PADI2: variants seen among roughly 807,000 people sequenced by gnomAD.
The protein encoded by PADI2 is peptidyl arginine deiminase 2.
Under a neutral mutation model 81.1 loss-of-function variants are expected in PADI2, and 70 were observed. The ratio of observed to expected loss-of-function variants is 0.86; its 90% CI spans 0.71 to 1.05. The LOEUF is 1.05. Ranked by LOEUF, PADI2 falls within the 50% of genes least tolerant of loss-of-function variation. The pLI is 0.00. For synonymous variants in PADI2, 338 were observed against 358.0 expected (o/e 0.94, Z 0.63); for missense variants, 853 against 889.9 (o/e 0.96, Z 0.53).
In PADI2 at chr1:17,075,807, T is replaced by C. The variant is rs1268208405; in HGVS notation, c.1327A>G (p.Met443Val). Residue 443 changes from methionine (M) to valine (V), a missense_variant, in exon 12 of 16, where the codon ATG becomes GTG. Physicochemically the swap from Met to Val is conservative, Grantham distance 21. Transcript: ENST00000375486. ...AGGAAGTCACGCACCACCTTGGTCA[T>C]CCTCCGACCACCAGACCTGGAGAAG... ...SSFPLSGGRRMTKVVRDFLKA... is the reference protein window; with the variant it reads ...SSFPLSGGRRVTKVVRDFLKA... 6.2e-7 allele frequency: 1 copy of C among 1,613,814 alleles called. No individual in the cohort carries two copies.
intron 7 of PADI2, among the ~76,000 whole-genome samples, chr1:17,086,281 T>C (rs1005579747): frequency 1.3e-5 from 2 of 152,020 alleles, no homozygotes; most frequent in East Asian, 1.9e-4. Flanking sequence ...TCAGGAAACA[T>C]TGCCCACAGG....
Position 17,119,446 on chromosome 1 carries a change from C to A in PADI2, c.-75G>T. 1 of 1,124,410 alleles carries A rather than the reference C, an allele frequency of 8.9e-7. No individual in the cohort carries two copies. Among genetic ancestry groups the A allele is most frequent in the Admixed American group, 3.2e-5 (1 of 31,068 alleles). 69.7% of individuals were successfully genotyped at this position (1,124,410 alleles called of 1,614,324 possible). A position where few individuals can be genotyped will look rare whatever the true frequency, so the allele number is the denominator to read the frequency against. On this transcript the variant is annotated 5_prime_UTR_variant, in exon 1 of 16. Transcript: ENST00000375486. The surrounding 1 kb of genome is among the most constrained non-coding windows in gnomAD (Gnocchi z 4.8). The stretch of plus-strand genomic sequence containing the variant: ...CCTGCAGCAGGTGCGCCTTCTCCAG[C>A]AGCCTGCGCCCCACGGCCCCGCGCG...
At chr1:17,075,886 G>A in intron 11 of PADI2, 63 bp from the exon 12 acceptor site, 2 of 1,536,784 alleles carry the variant, frequency 1.3e-6, no homozygotes, top group South Asian at 2.2e-5. Flanking sequence ...CCTGCAAGAG[G>A]AGTTTGGTCT....
intron 1 of PADI2, among the ~76,000 whole-genome samples, chr1:17,116,979 G>GGGACT (rs1931779281): frequency 6.6e-6 from 1 of 152,172 alleles, no homozygotes; most frequent in Non-Finnish European, 1.5e-5. Context: ...CCCCTGCCAG[G>GGGACT]GGACTGCTGG....
intron 11 of PADI2, among the ~76,000 whole-genome samples, chr1:17,077,596 G>A (rs1285468895): frequency 2.0e-5 from 3 of 152,130 alleles, no homozygotes; most frequent in Non-Finnish European, 4.4e-5. Context: ...TTCCTGTTTG[G>A]GACCCTGTGC....
rs779432598 is a variant in PADI2 at position 17,103,006 on chromosome 1, C to T, written c.330G>A (p.Gly110=). 2 of 1,611,544 alleles carry T rather than the reference C, an allele frequency of 1.2e-6. No individual in the cohort carries two copies. Among genetic ancestry groups the T allele is most frequent in the South Asian group, 2.2e-5 (2 of 90,522 alleles). Reference sequence around the variant, plus strand: ...ACTCACCAATGGCTGTGAGGAAGAGCCCCGCCTGGTCGATGGGAATGCTCC... The same window carrying T: ...ACTCACCAATGGCTGTGAGGAAGAGTCCCGCCTGGTCGATGGGAATGCTCC... The part of the protein sequence containing the change: ...EEGSIPIDQA[G]LFLTAIEISL... The change falls in exon 3 of 16, where the codon GGG becomes GGA. Residue 110 remains glycine, a synonymous_variant. Transcript: ENST00000375486.
intron 3 of PADI2, among the ~76,000 whole-genome samples, chr1:17,097,965 G>T (rs1355471765): frequency 6.6e-6 from 1 of 152,120 alleles, no homozygotes; most frequent in Non-Finnish European, 1.5e-5. Flanking sequence ...TCCCCTGCGG[G>T]CATCCTGCTC....
chr1:17,116,170 A>T (rs182637909), intron 1 of PADI2, among the ~76,000 whole-genome samples: 4 of 152,362 alleles, frequency 2.6e-5, no homozygotes, highest in Middle Eastern at 3.4e-3. Context: ...TCAAGGTCAC[A>T]CAGCCCGTGG....
chr1:17,071,936 C>T (rs2078267452), intron 13 of PADI2, among the ~76,000 whole-genome samples: 1 of 152,202 alleles, frequency 6.6e-6, no homozygotes, highest in Non-Finnish European at 1.5e-5. Flanking sequence ...CTGCGTTTTC[C>T]TCCTGTACCA....
intron 1 of PADI2, among the ~76,000 whole-genome samples, chr1:17,110,835 G>C (rs10788656): frequency 0.61 from 92,013 of 151,926 alleles, 29,976 homozygotes; most frequent in East Asian, 0.87. Context: ...TTCACTCCTT[G>C]AAGGTAGGGA....
rs150017999 is a variant in PADI2 at position 17,087,409 on chromosome 1, C to T, written c.656-710G>A. On this transcript the variant is annotated intron_variant, in intron 6 of 15. Transcript: ENST00000375486. ...CTTGCAACAATCCAGCCCAGTTTCC[C>T]CAGAGACAAAGCCAGGGGCTCTGTT... 2.4e-3 allele frequency among the ~76,000 whole-genome samples: 365 copies of T among 152,350 alleles called. 1 individual carries two copies. Among genetic ancestry groups the T allele is most frequent in the African/African-American group, 8.6e-3 (357 of 41,586 alleles).
intron 1 of PADI2, among the ~76,000 whole-genome samples, chr1:17,109,792 A>C (rs1453309538): frequency 6.6e-6 from 1 of 152,190 alleles, no homozygotes; most frequent in Non-Finnish European, 1.5e-5. Context: ...TGCCTGACCC[A>C]GAGCCACTAT....
rs536997800 is a variant in PADI2 at position 17,080,006 on chromosome 1, G to T, written c.1159-591C>A. Among the ~76,000 whole-genome samples the T allele has an allele frequency of 3.9e-5, 6 of 152,204 alleles. No homozygotes were observed. The East Asian group carries it at 1.2e-3, about 29-fold the overall frequency. ...GGGTTTCACTGGGTTGCCCAGGCTG[G>T]TCTCGAACTCCTGACCTCAAGTGAT... On this transcript the variant is annotated intron_variant, in intron 10 of 15. Transcript: ENST00000375486.
chr1:17,110,103 T>C (rs74059126), intron 1 of PADI2, among the ~76,000 whole-genome samples: 1,732 of 152,232 alleles, frequency 0.011, 33 homozygotes, highest in African/African-American at 0.039. Flanking sequence ...AAGGGGCCCA[T>C]TGTGCCCCTG....
At chr1:17,109,577 G>A (rs1024580544) in intron 1 of PADI2, among the ~76,000 whole-genome samples, 1 of 150,800 alleles carries the variant, frequency 6.6e-6, no homozygotes, top group Non-Finnish European at 1.5e-5. Context: ...TGCAACCTCC[G>A]CATCCTAGGT....
At chr1:17,103,623 T>C (rs1342397186) in intron 2 of PADI2, among the ~76,000 whole-genome samples, 3 of 149,822 alleles carry the variant, frequency 2.0e-5, no homozygotes, top group Admixed American at 6.8e-5. Flanking sequence ...CAGCTGTCTA[T>C]AATTTTCATC....
intron 5 of PADI2, 28 bp downstream of exon 5, chr1:17,093,539 G>GC (rs751913080): frequency 2.2e-5 from 31 of 1,409,906 alleles, no homozygotes; most frequent in Non-Finnish European, 2.9e-5. Context: ...CTCTCATCCT[G>GC]CCCCCCAAGT....
chr1:17,072,427 GATATA>G (rs2078270267), intron 13 of PADI2, among the ~76,000 whole-genome samples: 1 of 152,192 alleles, frequency 6.6e-6, no homozygotes, highest in South Asian at 2.1e-4. Context: ...GAGATAGATT[GATATA>G]AGCATTTTTC....
chr1:17,112,606 C>G (rs1003799014), intron 1 of PADI2, among the ~76,000 whole-genome samples: 3 of 152,080 alleles, frequency 2.0e-5, no homozygotes, highest in Admixed American at 1.3e-4. Context: ...GGAGAATGAC[C>G]TCAGTCCAGA....
Sources: allele counts gnomAD v4.1 joint callset (sites outside exome capture counted in the v4.1 genomes callset), GRCh38; gene constraint gnomAD v4.1.1; non-coding constraint Gnocchi (gnomAD v3.1); transcripts MANE v1.5; gene names NCBI Gene and HGNC (gene_info 2026-07-23, HGNC 2026-07-21).